Variants in ROBO4 observed in about 807,000 individuals in gnomAD.
ROBO4 encodes roundabout guidance receptor 4.
Under a neutral mutation model 103.3 loss-of-function variants are expected in ROBO4, and 80 were observed. The ratio of observed to expected loss-of-function variants is 0.77; its 90% confidence interval spans 0.65 to 0.93. The LOEUF (loss-of-function observed/expected upper bound fraction) is 0.93. Ranked by LOEUF, ROBO4 falls within the 40% of genes least tolerant of loss-of-function variation. The pLI is 0.00. For missense variants in ROBO4, 1,333 were observed against 1,305.3 expected (o/e 1.02, Z -0.33); for synonymous variants, 504 against 529.7 (o/e 0.95, Z 0.67).
Position 124,895,451 on chromosome 11 carries a change from C to T in ROBO4, c.1036+6G>A. ...TTGTTGGCTTCTGAAGGGATCAGGC[C>T]CTGACCTTTTTCCGGCAGCCTCAGG... On this transcript the variant is annotated splice_donor_region_variant and intron_variant, in intron 6 of 17. Coordinates refer to ENST00000306534, the MANE Select transcript of ROBO4 (RefSeq NM_019055.6). The T allele has an allele frequency of 1.9e-6, 3 of 1,608,276 alleles. No individual in the cohort carries two copies. The highest frequency in any genetic ancestry group is 2.5e-6 in the Non-Finnish European group (3 of 1,179,648).
intron 16 of ROBO4, among the ~76,000 whole-genome samples, chr11:124,885,621 T>C (rs1367931909): frequency 1.3e-5 from 2 of 151,172 alleles, no homozygotes; most frequent in Non-Finnish European, 2.9e-5. Flanking sequence ...GAGTTAAGGT[T>C]AGTAAAATGG....
Position 124,896,522 on chromosome 11 carries a change from TC to T in ROBO4, c.548del (p.Gly183GlufsTer11). On this transcript the variant is annotated frameshift_variant, in exon 3 of 18. Coordinates refer to ENST00000306534, the MANE Select transcript of ROBO4 (RefSeq NM_019055.6). LOFTEE classifies it high-confidence loss of function. The stretch of plus-strand genomic sequence containing the variant: ...AGGGGGCCACACTTACTGTGTGCCT[TC>T]CGGGCTGGAGGGCCAGGGGTTTCCC... ...KDGKPLALQP[G>X]RHTVSGGSLL... 1 of 1,613,936 alleles carries T rather than the reference TC, an allele frequency of 6.2e-7. No individual in the cohort carries two copies. The highest frequency in any genetic ancestry group is 8.5e-7 in the Non-Finnish European group (1 of 1,179,926).
Position 124,895,581 on chromosome 11 carries a change from G to A in ROBO4, c.912C>T (p.Gly304=). The A allele has an allele frequency of 6.2e-7, 1 of 1,613,432 alleles. No homozygotes were observed. The highest frequency in any genetic ancestry group is 1.1e-5 in the South Asian group (1 of 91,084). The change falls in exon 6 of 18, where the codon GGC becomes GGT. Residue 304 remains glycine, a synonymous_variant. Coordinates refer to ENST00000306534, the MANE Select transcript of ROBO4 (RefSeq NM_019055.6). ...GGCCTCCAAGCTCTGCGCTCTGCCA[G>A]CCGGCCAGCAGCTCCTCTGCCCACG... ...GAPWAEELLA[G]WQSAELGGLH... is the part of the protein sequence containing the mutation.
rs1034695429 is a variant in ROBO4 at position 124,895,172 on chromosome 11, T to C, written c.1058A>G (p.Glu353Gly). 6.2e-7 allele frequency: 1 copy of C among 1,613,884 alleles called. No individual in the cohort carries two copies. Among genetic ancestry groups the C allele is most frequent in the Non-Finnish European group, 8.5e-7 (1 of 1,179,982 alleles). The change falls in exon 7 of 18, where the codon GAA (glutamate) becomes GGA (glycine). Residue 353 changes from glutamate (E) to glycine (G), a missense_variant. Coordinates refer to ENST00000306534, the MANE Select transcript of ROBO4 (RefSeq NM_019055.6). ...GCCATTGCCAGGCTTTAGAGTCACT[T>C]CCTGAGGTGGGGCACTGGGCACTGG... ...PEKVPSAPPQ[E>G]VTLKPGNGTV...
rs114128424 is a variant in ROBO4, at chr11:124,897,603, T to C, written c.70+123A>G. 2.6e-3 allele frequency: 2,031 copies of C among 781,912 alleles called. 33 individuals carry two copies. The African/African-American group carries it at 0.029, about 11-fold the overall frequency. 48.4% of individuals were successfully genotyped at this position (781,912 alleles called of 1,614,324 possible). A position where few individuals can be genotyped will look rare whatever the true frequency, so the allele number is the denominator to read the frequency against. On this transcript the variant is annotated intron_variant, in intron 1 of 17. Transcript: ENST00000306534. The stretch of plus-strand genomic sequence containing the variant: ...ATACACTTACACACACTCATCATCA[T>C]CATCCTCATCCTCATCTCTGGTCCC...
chr11:124,884,715 T>C lies in ROBO4; in HGVS notation c.*176A>G. On this transcript the variant is annotated 3_prime_UTR_variant, in exon 18 of 18. Coordinates refer to ENST00000306534, the MANE Select transcript of ROBO4 (RefSeq NM_019055.6). ...TGAGGGCTCCAGGTCAGCTTTGCTC[T>C]AATTTTGTTTTCATTTGTTTTCACA... The C allele has an allele frequency of 1.4e-6, 1 of 724,890 alleles. No individual in the cohort carries two copies. 44.9% of individuals were successfully genotyped at this position (724,890 alleles called of 1,614,324 possible). A position where few individuals can be genotyped will look rare whatever the true frequency, so the allele number is the denominator to read the frequency against.
chr11:124,896,084 C>T (rs1329225163), intron 4 of ROBO4, 114 bp downstream of exon 4: 3 of 1,527,500 alleles, frequency 2.0e-6, no homozygotes, highest in Non-Finnish European at 2.7e-6. Flanking sequence ...CTACGTGAGA[C>T]CCCCAGCACT....
In ROBO4 at chr11:124,896,305, G is replaced by T; in HGVS notation, c.572C>A (p.Ser191Tyr). The change falls in exon 4 of 18, where the codon TCC becomes TAC. Residue 191 changes from serine to tyrosine, a missense_variant. Coordinates refer to ENST00000306534, the MANE Select transcript of ROBO4 (RefSeq NM_019055.6). Reference sequence around the variant, plus strand: ...CTTCTCTGCTCTTGCCATCAGCAGGGACCCCCCGGACACCTGTCAGGGCCA... The same window carrying T: ...CTTCTCTGCTCTTGCCATCAGCAGGTACCCCCCGGACACCTGTCAGGGCCA... ...QPGRHTVSGGSLLMARAEKSD... is the reference protein window; with the variant it reads ...QPGRHTVSGGYLLMARAEKSD... 1.9e-6 allele frequency: 3 copies of T among 1,614,060 alleles called. No homozygotes were observed. Among genetic ancestry groups the T allele is most frequent in the Non-Finnish European group, 2.5e-6 (3 of 1,180,010 alleles).
intron 8 of ROBO4, 44 bp downstream of exon 8, chr11:124,894,157 A>G (rs1361089389): frequency 2.5e-6 from 4 of 1,572,700 alleles, no homozygotes; most frequent in Non-Finnish European, 3.5e-6. Flanking sequence ...GGAAGGCGGG[A>G]TGCAGGCTGA....
In ROBO4 at chr11:124,884,276, A is replaced by C. The variant is rs1946676626; in HGVS notation, c.*615T>G. 6.5e-6 allele frequency: 1 copy of C among 153,316 alleles called. No individual in the cohort carries two copies. Among genetic ancestry groups the C allele is most frequent in the Admixed American group, 6.5e-5 (1 of 15,478 alleles). 9.5% of individuals were successfully genotyped at this position (153,316 alleles called of 1,614,324 possible). On this transcript the variant is annotated 3_prime_UTR_variant, in exon 18 of 18. Coordinates refer to ENST00000306534, the MANE Select transcript of ROBO4 (RefSeq NM_019055.6). Reference sequence around the variant, plus strand: ...TTAAGCTCATAGTGACAACAGTACGAGGATGGTGCTTTTGACCTACGGTCT... The same window carrying C: ...TTAAGCTCATAGTGACAACAGTACGCGGATGGTGCTTTTGACCTACGGTCT...
In ROBO4 at chr11:124,884,746, G is replaced by A. The variant is rs1010320908; in HGVS notation, c.*145C>T. On this transcript the variant is annotated 3_prime_UTR_variant, in exon 18 of 18. Transcript: ENST00000306534. Reference sequence around the variant, plus strand: ...TGTTTTCATTTGTTTTCACAATCGTGGAGGGAGAACTCTCTGGAGGCTTGG... The same window carrying A: ...TGTTTTCATTTGTTTTCACAATCGTAGAGGGAGAACTCTCTGGAGGCTTGG... 4.4e-6 allele frequency: 4 copies of A among 906,664 alleles called. No individual in the cohort carries two copies. The African/African-American group carries it at 6.6e-5, about 15-fold the overall frequency. 56.2% of individuals were successfully genotyped at this position (906,664 alleles called of 1,614,324 possible). A position where few individuals can be genotyped will look rare whatever the true frequency, so the allele number is the denominator to read the frequency against.
At chr11:124,890,922 T>C (rs1168405882) in intron 12 of ROBO4, among the ~76,000 whole-genome samples, 1 of 152,236 alleles carries the variant, frequency 6.6e-6, no homozygotes, top group Non-Finnish European at 1.5e-5. Flanking sequence ...TGTTTGCTAG[T>C]CAACACTTTC....
Position 124,895,477 on chromosome 11 carries a change from A to G in ROBO4, c.1016T>C (p.Leu339Pro), listed in dbSNP as rs1295032046. 3 of 1,610,432 alleles carry G rather than the reference A, an allele frequency of 1.9e-6. No individual in the cohort carries two copies. The highest frequency in any genetic ancestry group is 1.7e-6 in the Non-Finnish European group (2 of 1,179,980). Residue 339 changes from leucine (L) to proline (P), a missense_variant, in exon 6 of 18, where the codon CTC (leucine) becomes CCC (proline). Transcript: ENST00000306534. ...CTGACCTTTTTCCGGCAGCCTCAGG[A>G]GCAGCACGTTGCTGTCAGGGCCTCG... The part of the protein sequence containing the change: ...RARGPDSNVL[L>P]LRLPEKVPSA...
chr11:124,895,861 A>G lies in ROBO4; in HGVS notation c.731T>C (p.Leu244Pro), dbSNP rs1177460658. Reference sequence around the variant, plus strand: ...CGGGTTCAGCAGTGTCACATTTTCCAGCTGAATTCGCACAGCCAGAAGCTC... The same window carrying G: ...CGGGTTCAGCAGTGTCACATTTTCCGGCTGAATTCGCACAGCCAGAAGCTC... ...PVELLAVRIQ[L>P]ENVTLLNPDP... Residue 244 changes from leucine (L) to proline (P), a missense_variant, in exon 5 of 18, where the codon CTG (leucine) becomes CCG (proline). By Grantham distance (98) the Leu-to-Pro change is moderately conservative. Transcript: ENST00000306534. 8.1e-6 allele frequency: 13 copies of G among 1,613,902 alleles called. No homozygotes were observed. In the Admixed American group the frequency reaches 8.3e-5, roughly 10 times the overall value.
rs1032881975 is a variant in ROBO4 at position 124,884,971 on chromosome 11, T to G, written c.3002-58A>C. The G allele has an allele frequency of 6.2e-6, 10 of 1,612,040 alleles. No individual in the cohort carries two copies. The Admixed American group carries it at 1.5e-4, about 24-fold the overall frequency. ...TTATCTCCCTTCCCCAGTGCCAGGC[T>G]TCCTCCTGGCTTCTTCCCAGAGGCC... On this transcript the variant is annotated intron_variant, in intron 17 of 17. Coordinates refer to ENST00000306534, the MANE Select transcript of ROBO4 (RefSeq NM_019055.6).
At chr11:124,887,541 A>G (rs1377702405) in intron 13 of ROBO4, 42 bp from the exon 14 acceptor site, 11 of 1,611,422 alleles carry the variant, frequency 6.8e-6, no homozygotes, top group African/African-American at 1.3e-5. Flanking sequence ...TGGCATCCCC[A>G]TCTGCTCTGG....
rs139537489 is a variant in ROBO4, at chr11:124,887,385, G to A, written c.2171C>T (p.Thr724Ile). 87 of 1,613,946 alleles carry A rather than the reference G, an allele frequency of 5.4e-5. No individual in the cohort carries two copies. Among genetic ancestry groups the A allele is most frequent in the Middle Eastern group, 3.3e-4 (2 of 6,082 alleles). Residue 724 changes from threonine (T) to isoleucine (I), a missense_variant, in exon 14 of 18, where the codon ACT (threonine) becomes ATT (isoleucine). Coordinates refer to ENST00000306534, the MANE Select transcript of ROBO4 (RefSeq NM_019055.6). ...GGTCTGTTGACTCTGAGTTGGGGGA[G>A]TTTCATGAGGAAAGAGGGGTGCTGG... ...LPPAPLFPHE[T>I]PPTQSQQTQP... is the part of the protein sequence containing the mutation.
At chr11:124,895,715 G>A (rs767090068) in intron 5 of ROBO4, 30 bp from the exon 6 acceptor site, 15 of 1,611,852 alleles carry the variant, frequency 9.3e-6, no homozygotes, top group Middle Eastern at 1.7e-4. Context: ...AAGGGCGGGG[G>A]GTCAGAGAGC....
Position 124,891,488 on chromosome 11 carries a change from C to A in ROBO4, c.1759G>T (p.Ala587Ser), listed in dbSNP as rs745487925. 3.1e-6 allele frequency: 5 copies of A among 1,613,298 alleles called. No homozygotes were observed. Among genetic ancestry groups the A allele is most frequent in the Non-Finnish European group, 4.2e-6 (5 of 1,179,678 alleles). Residue 587 changes from alanine to serine, a missense_variant, in exon 12 of 18, where the codon GCT becomes TCT. By Grantham distance (99) the Ala-to-Ser change is moderately conservative (BLOSUM62 1). Coordinates refer to ENST00000306534, the MANE Select transcript of ROBO4 (RefSeq NM_019055.6). ...DTSTFYGSLI[A>S]ELPSSTPARP... ...GCTGGGGTACTGGAGGGCAGCTCAG[C>A]GATGAGGGAGCCATAAAAAGTGCTG...
Sources: gnomAD v4.1 joint callset for allele counts (sites outside exome capture counted in the v4.1 genomes callset) on GRCh38, gnomAD v4.1.1 for gene constraint, MANE v1.5 for transcripts, NCBI Gene and HGNC (gene_info 2026-07-23, HGNC 2026-07-21) for gene names.